ADCY3: variants seen among roughly 807,000 people sequenced by gnomAD.
ADCY3 encodes adenylate cyclase type 3.
ADCY3 carries 70 observed loss-of-function variants against 119.4 expected under a neutral mutation model. That is an observed-to-expected ratio of 0.59 (90% CI 0.48 to 0.72). The LOEUF (loss-of-function observed/expected upper bound fraction) is 0.72, where lower values mean the gene tolerates loss of function less well. Among genes scored for constraint, ADCY3 ranks in the 30% least tolerant of loss-of-function variants. ADCY3 has a pLI of 0.00. For missense variants in ADCY3, 1,238 were observed against 1,541.6 expected (o/e 0.80, Z 3.30); for synonymous variants, 672 against 621.4 (o/e 1.08, Z -1.21).
intron 3 of ADCY3, among the ~76,000 whole-genome samples, chr2:24,851,367 T>C (rs1672270983): frequency 6.6e-6 from 1 of 152,202 alleles, no homozygotes; most frequent in East Asian, 1.9e-4. Flanking sequence ...ACCCACCAGG[T>C]GACAGACACC....
chr2:24,918,627 G>A lies in ADCY3; in HGVS notation c.361C>T (p.Leu121Phe), dbSNP rs747402063. Residue 121 changes from leucine to phenylalanine, a missense_variant, in exon 2 of 22, where the codon CTC (leucine) becomes TTC (phenylalanine). Around this residue, in one of 7 missense-constraint regions of ADCY3, gnomAD observed 227 missense variants for 249.3 expected, o/e 0.91. Transcript: ENST00000679454. This position sits in a 1 kb window ranked among gnomAD's most constrained non-coding sequence, Gnocchi z 5.4. The part of the protein sequence containing the change: ...AGIGLVLDII[L>F]FVLCKKGLLP... The stretch of plus-strand genomic sequence containing the variant: ...AGCCCCTTTTTGCAGAGCACGAAGA[G>A]GATGATGTCCAACACCAGTCCAATT... The A allele has an allele frequency of 2.5e-6, 4 of 1,614,158 alleles. No individual in the cohort carries two copies. The highest frequency in any genetic ancestry group is 3.4e-6 in the Non-Finnish European group (4 of 1,180,036).
chr2:24,847,718 G>C (rs544557478), intron 3 of ADCY3, among the ~76,000 whole-genome samples: 2 of 152,356 alleles, frequency 1.3e-5, no homozygotes, highest in African/African-American at 4.8e-5. Flanking sequence ...TGTGGAAAAA[G>C]CTCTGGGTTT....
At chr2:24,827,788 T>G (rs1276869474) in intron 14 of ADCY3, 114 bp downstream of exon 14, 2 of 1,516,062 alleles carry the variant, frequency 1.3e-6, no homozygotes, top group African/African-American at 2.7e-5. Context: ...AACAAGCCTT[T>G]GAGGACCCCT....
chr2:24,877,542 C>T (rs1362918376), intron 2 of ADCY3, among the ~76,000 whole-genome samples: 1 of 152,166 alleles, frequency 6.6e-6, no homozygotes, highest in Non-Finnish European at 1.5e-5. Flanking sequence ...GACCAACAGG[C>T]AGGAGGAGAG....
chr2:24,866,564 C>CAAAAAAAAAAAAAAAAAAAAAAGAAAAA (rs71397449), intron 3 of ADCY3, among the ~76,000 whole-genome samples: 1 of 46,560 alleles, frequency 2.1e-5, no homozygotes, highest in African/African-American at 9.4e-5. Context: ...GACCCTGTCT[C>CAAAAAAAAAAAAAAAAAAAAAAGAAAAA]AAAAAAAAAA....
At chr2:24,873,623 G>A (rs1453087893) in intron 2 of ADCY3, among the ~76,000 whole-genome samples, 1 of 152,220 alleles carries the variant, frequency 6.6e-6, no homozygotes, top group Non-Finnish European at 1.5e-5. Context: ...GGCCAGGCCT[G>A]GCTGCTGCTA....
intron 3 of ADCY3, among the ~76,000 whole-genome samples, chr2:24,854,354 G>A (rs1672757727): frequency 6.6e-6 from 1 of 152,190 alleles, no homozygotes; most frequent in Admixed American, 6.5e-5. Context: ...GGTTTTGGGG[G>A]GTACAGCAAA....
At chr2:24,890,656 C>T (rs192885900) in intron 2 of ADCY3, among the ~76,000 whole-genome samples, 5 of 152,288 alleles carry the variant, frequency 3.3e-5, no homozygotes, top group East Asian at 1.9e-4. Context: ...ACCTGCATCC[C>T]GGTACTGGTC....
chr2:24,820,383 C>A (rs1330407070), intron 21 of ADCY3: 1 of 1,315,486 alleles, frequency 7.6e-7, no homozygotes, highest in Admixed American at 3.6e-5. Context: ...AGCACTGTTA[C>A]CTGGAAACTG....
intron 6 of ADCY3, chr2:24,840,597 A>T (rs1174111907): frequency 2.2e-6 from 1 of 461,262 alleles, no homozygotes; most frequent in Admixed American, 2.5e-5. Flanking sequence ...CCTGGACTCC[A>T]TCCCATGGGG....
At chr2:24,838,759 G>A in intron 7 of ADCY3, 137 bp from the exon 8 acceptor site, 1 of 1,585,266 alleles carries the variant, frequency 6.3e-7, no homozygotes, top group South Asian at 1.1e-5. Flanking sequence ...GAGGCCAAGT[G>A]GAGGCAGTTC....
At chr2:24,864,214 CG>C (rs956917399) in intron 3 of ADCY3, among the ~76,000 whole-genome samples, 60 of 152,062 alleles carry the variant, frequency 3.9e-4, no homozygotes, top group African/African-American at 1.4e-3. Context: ...AGCTTGAACC[CG>C]GAGGCGGAAG....
chr2:24,880,873 G>A lies in ADCY3; in HGVS notation c.676-8154C>T, dbSNP rs558914431. 1.8e-4 allele frequency among the ~76,000 whole-genome samples: 27 copies of A among 152,270 alleles called. No individual in the cohort carries two copies. The East Asian group carries it at 4.6e-3, about 26-fold the overall frequency. ...CTACTAAAAGTACAAAAATTAGCTG[G>A]GTGTTGTGGCAGGCACCTGTAATCC... is the stretch of plus-strand genomic sequence containing the variant. On this transcript the variant is annotated intron_variant, in intron 2 of 21. Coordinates refer to ENST00000679454, the MANE Select transcript of ADCY3 (RefSeq NM_004036.5).
At position 24,841,188 on chromosome 2, in the gene ADCY3, C is replaced by G. The variant is rs1342673682; in HGVS notation, c.1196+71G>C. On this transcript the variant is annotated intron_variant, in intron 6 of 21. Coordinates refer to ENST00000679454, the MANE Select transcript of ADCY3 (RefSeq NM_004036.5). This position sits in a 1 kb window ranked among gnomAD's most constrained non-coding sequence, Gnocchi z 5.8. Reference sequence around the variant, plus strand: ...CAGGGGCCATGGCCAGCGCGGAAGACCTGCTTCTCCCTGGGTCCAGGGCCG... The same window carrying G: ...CAGGGGCCATGGCCAGCGCGGAAGAGCTGCTTCTCCCTGGGTCCAGGGCCG... The G allele has an allele frequency of 6.8e-7, 1 of 1,473,510 alleles. No individual in the cohort carries two copies. The highest frequency in any genetic ancestry group is 1.4e-5 in the African/African-American group (1 of 70,908). The allele number at this position is 1,473,510 out of a possible 1,614,324, so 91.3% of individuals were successfully genotyped here.
intron 2 of ADCY3, among the ~76,000 whole-genome samples, chr2:24,916,762 AC>A (rs1664510162): frequency 6.6e-6 from 1 of 151,952 alleles, no homozygotes; most frequent in Non-Finnish European, 1.5e-5. Context: ...ATGACCAGAA[AC>A]TCACAGCCCC....
At chr2:24,916,038 G>A (rs1024388570) in intron 2 of ADCY3, among the ~76,000 whole-genome samples, 1 of 152,220 alleles carries the variant, frequency 6.6e-6, no homozygotes, top group Non-Finnish European at 1.5e-5. Flanking sequence ...CGGACCTTGA[G>A]AGCTCTCTGC....
chr2:24,826,284 A>T, intron 15 of ADCY3, 158 bp from the exon 16 acceptor site: 1 of 644,290 alleles, frequency 1.6e-6, no homozygotes, highest in South Asian at 2.1e-5. Context: ...TCCCCCGGGC[A>T]GTAAAATTTT....
chr2:24,840,566 G>C (rs549515523), intron 6 of ADCY3: 38 of 468,088 alleles, frequency 8.1e-5, no homozygotes, highest in Middle Eastern at 3.3e-4. Flanking sequence ...CTCGGAGAAG[G>C]GGGTAAAGAG....
At chr2:24,879,293 A>G (rs1295370782) in intron 2 of ADCY3, among the ~76,000 whole-genome samples, 3 of 151,980 alleles carry the variant, frequency 2.0e-5, no homozygotes, top group Admixed American at 2.0e-4. Context: ...TAACATGGTG[A>G]AATCCCGTCT....
Sources: gnomAD v4.1 joint callset for allele counts (sites outside exome capture counted in the v4.1 genomes callset) on GRCh38, gnomAD v4.1.1 for gene constraint, gnomAD v4.1.1 regional missense constraint, Gnocchi (gnomAD v3.1) non-coding constraint, MANE v1.5 for transcripts, NCBI Gene and HGNC (gene_info 2026-07-23, HGNC 2026-07-21) for gene names.